The following LRBA variants were observed in gnomAD, a reference collection of about 807,000 sequenced individuals.
LRBA encodes the protein LPS responsive beige-like anchor protein.
LRBA carries 176 observed loss-of-function variants against 330.0 expected under a neutral mutation model. That is an observed-to-expected ratio of 0.53 (90% confidence interval 0.47 to 0.60). The LOEUF (loss-of-function observed/expected upper bound fraction) is 0.60, where lower values mean the gene tolerates loss of function less well. Among genes scored for constraint, LRBA ranks in the 20% least tolerant of loss-of-function variants. The probability of loss-of-function intolerance (pLI) is 0.00; values close to 1 mark genes in which losing one functional copy is unlikely to be tolerated. For missense variants in LRBA, 3,259 were observed against 3,444.8 expected (o/e 0.95, Z 1.35); for synonymous variants, 1,230 against 1,193.0 (o/e 1.03, Z -0.64).
At chr4:150,819,391 G>A (rs1168066653) in intron 30 of LRBA, among the ~76,000 whole-genome samples, 1 of 151,614 alleles carries the variant, frequency 6.6e-6, no homozygotes, top group African/African-American at 2.4e-5. Flanking sequence ...CTTAAGACCT[G>A]TGTCTTTCAT....
intron 47 of LRBA, among the ~76,000 whole-genome samples, chr4:150,392,966 T>C (rs563385541): frequency 2.6e-5 from 4 of 151,686 alleles, no homozygotes; most frequent in South Asian, 4.2e-4. Flanking sequence ...TGTATACCTA[T>C]GTAACAAACC....
At chr4:150,639,097 G>T (rs577352798) in intron 37 of LRBA, among the ~76,000 whole-genome samples, 1 of 143,328 alleles carries the variant, frequency 7.0e-6, no homozygotes, top group Non-Finnish European at 1.5e-5. Context: ...GTAAACTATC[G>T]CAAGAACAAA....
At chr4:150,531,148 AT>A (rs1202368482) in intron 40 of LRBA, among the ~76,000 whole-genome samples, 1 of 152,226 alleles carries the variant, frequency 6.6e-6, no homozygotes, top group Non-Finnish European at 1.5e-5. Context: ...TTTTGTCCTC[AT>A]TGGCATATCT....
intron 48 of LRBA, among the ~76,000 whole-genome samples, chr4:150,344,555 A>T (rs1048701303): frequency 2.6e-5 from 4 of 152,152 alleles, no homozygotes; most frequent in Non-Finnish European, 5.9e-5. Context: ...CTGCCTTATG[A>T]TGCAGTTAAA....
chr4:150,674,979 A>G (rs1290343585), intron 37 of LRBA, among the ~76,000 whole-genome samples: 2 of 151,560 alleles, frequency 1.3e-5, no homozygotes, highest in African/African-American at 4.8e-5. Context: ...GCACTTTGGA[A>G]GCCAAGGTAG....
intron 16 of LRBA, 27 bp from the exon 17 acceptor site, chr4:150,893,176 A>T (rs759808376): frequency 8.9e-5 from 124 of 1,394,650 alleles, no homozygotes; most frequent in Non-Finnish European, 1.1e-4. Context: ...AATTTTTTTT[A>T]AAAAATGAGG....
intron 40 of LRBA, among the ~76,000 whole-genome samples, chr4:150,497,100 A>C (rs1490003909): frequency 6.6e-6 from 1 of 152,162 alleles, no homozygotes; most frequent in Non-Finnish European, 1.5e-5. Context: ...ATGTTACAAT[A>C]ATTGTAATTT....
At chr4:150,813,981 C>G (rs72961842) in intron 31 of LRBA, among the ~76,000 whole-genome samples, 4,933 of 152,046 alleles carry the variant, frequency 0.032, 221 homozygotes, top group African/African-American at 0.11. Context: ...CAAGGAGCAT[C>G]TATATTCTAA....
intron 40 of LRBA, among the ~76,000 whole-genome samples, chr4:150,564,771 C>T (rs1429811778): frequency 2.6e-5 from 4 of 152,082 alleles, no homozygotes; most frequent in Non-Finnish European, 4.4e-5. Flanking sequence ...GGCTAACAAA[C>T]ATATGAAAAG....
chr4:150,270,446 A>C (rs926470908), intron 56 of LRBA, among the ~76,000 whole-genome samples: 2 of 152,228 alleles, frequency 1.3e-5, no homozygotes, highest in African/African-American at 4.8e-5. Flanking sequence ...AACACAACAA[A>C]TATTGTATGA....
chr4:150,710,367 G>A (rs1341880270), intron 36 of LRBA, among the ~76,000 whole-genome samples: 2 of 152,042 alleles, frequency 1.3e-5, no homozygotes, highest in East Asian at 1.9e-4. Flanking sequence ...CCCCAAAAGT[G>A]GGGCTTCTTA....
At chr4:150,799,934 G>A (rs575223671) in intron 33 of LRBA, among the ~76,000 whole-genome samples, 4 of 152,054 alleles carry the variant, frequency 2.6e-5, no homozygotes, top group African/African-American at 2.4e-5. Flanking sequence ...TAGTAGAGAC[G>A]GAGTTTCACC....
intron 40 of LRBA, among the ~76,000 whole-genome samples, chr4:150,571,416 A>G (rs1464210777): frequency 6.6e-6 from 1 of 152,030 alleles, no homozygotes; most frequent in Non-Finnish European, 1.5e-5. Flanking sequence ...AAGCCTCAAA[A>G]GGTAACTAAT....
intron 17 of LRBA, among the ~76,000 whole-genome samples, chr4:150,883,122 C>T (rs182553652): frequency 2.0e-5 from 3 of 152,096 alleles, no homozygotes; most frequent in Non-Finnish European, 2.9e-5. Flanking sequence ...TAATATGAAA[C>T]CTTTTCTTAA....
chr4:150,350,035 C>G lies in LRBA; in HGVS notation c.7319G>C (p.Gly2440Ala). The change falls in exon 48 of 57, where the codon GGA becomes GCA. Residue 2440 changes from glycine to alanine, a missense_variant. Physicochemically the swap from Gly to Ala is moderately conservative, Grantham distance 60. Transcript: ENST00000651943. ...LNVFYYLTYE[G>A]AVNLNSITDP... ...AGTTATTGAATTCAGATTGACAGCT[C>G]CTTCATAGGTCAAGTAATAGAACAC... 6.2e-7 allele frequency: 1 copy of G among 1,613,816 alleles called. No homozygotes were observed. Among genetic ancestry groups the G allele is most frequent in the South Asian group, 1.1e-5 (1 of 91,070 alleles).
At chr4:150,266,684 G>A (rs956037295) in intron 56 of LRBA, among the ~76,000 whole-genome samples, 4 of 152,182 alleles carry the variant, frequency 2.6e-5, no homozygotes, top group African/African-American at 7.2e-5. Flanking sequence ...CTAAGGCAGA[G>A]AGAAAATTAA....
intron 35 of LRBA, among the ~76,000 whole-genome samples, chr4:150,759,043 A>C (rs1734712443): frequency 6.6e-6 from 1 of 151,504 alleles, no homozygotes; most frequent in East Asian, 2.0e-4. Context: ...CAGCTTTCCA[A>C]GTAGCTGGTA....
chr4:150,997,412 A>C (rs1354688957), intron 2 of LRBA, among the ~76,000 whole-genome samples: 1 of 152,202 alleles, frequency 6.6e-6, no homozygotes, highest in Non-Finnish European at 1.5e-5. Flanking sequence ...TGTGTTTCAA[A>C]AGTTCATCCC....
chr4:150,435,558 A>G, intron 46 of LRBA, 31 bp downstream of exon 46: 2 of 1,590,410 alleles, frequency 1.3e-6, no homozygotes, highest in Non-Finnish European at 1.7e-6. Context: ...TGCACTGGCA[A>G]TAACAACTAT....
Sources: gnomAD v4.1 joint callset for allele counts (sites outside exome capture counted in the v4.1 genomes callset) on GRCh38, gnomAD v4.1.1 for gene constraint, MANE v1.5 for transcripts, NCBI Gene and HGNC (gene_info 2026-07-23, HGNC 2026-07-21) for gene names.